RBFOX1: variants seen among roughly 807,000 people sequenced by gnomAD.
The protein encoded by RBFOX1 is RNA binding protein fox-1 homolog 1.
Under a neutral mutation model 57.7 loss-of-function variants are expected in RBFOX1, and 8 were observed. The observed-to-expected ratio is 0.14, with a 90% confidence interval of 0.08 to 0.25. RBFOX1 has a LOEUF of 0.25. RBFOX1 is among the 10% of genes least tolerant of loss of function. The probability of loss-of-function intolerance (pLI) is 1.00; values close to 1 mark genes in which losing one functional copy is unlikely to be tolerated. For missense variants in RBFOX1, 611 were observed against 548.5 expected (o/e 1.11, Z -1.14); for synonymous variants, 326 against 222.4 (o/e 1.47, Z -4.15).
At chr16:7,420,116 C>G (rs1598006874) in intron 4 of RBFOX1, among the ~76,000 whole-genome samples, 1 of 152,074 alleles carries the variant, frequency 6.6e-6, no homozygotes, top group South Asian at 2.1e-4. Context: ...TTTGACAACT[C>G]TTTGTTAGAT....
At chr16:6,891,266 C>T (rs959720160) in intron 3 of RBFOX1, among the ~76,000 whole-genome samples, 1 of 152,120 alleles carries the variant, frequency 6.6e-6, no homozygotes. Flanking sequence ...TTTATAAGAA[C>T]AACTGCTTGA....
chr16:5,603,751 GTGATCATGTGGCCACAAGA>G (rs1567285713), downstream of RBFOX1, among the ~76,000 whole-genome samples: 2 of 152,194 alleles, frequency 1.3e-5, no homozygotes, highest in East Asian at 3.9e-4. Flanking sequence ...GCAGTCATCT[GTGATCATGTGGCCACAAGA>G]TGGAGAGGCA....
chr16:5,371,370 C>G lies in RBFOX1; in HGVS notation c.220-95846C>G, dbSNP rs185615926. On this transcript the variant is annotated intron_variant, in intron 1 of 2. Coordinates refer to the RBFOX1 transcript ENST00000585867. ...GGTACACAGAGTGATGCCAGGGATG[C>G]CGGAGAAGACCCTGGGAGGATACAG... Among the ~76,000 whole-genome samples the G allele has an allele frequency of 3.5e-3, 534 of 152,284 alleles. 1 individual carries two copies. Among genetic ancestry groups the G allele is most frequent in the African/African-American group, 0.012 (508 of 41,554 alleles).
At chr16:6,516,036 C>T (rs949189358) in intron 2 of RBFOX1, among the ~76,000 whole-genome samples, 3 of 152,058 alleles carry the variant, frequency 2.0e-5, no homozygotes, top group Non-Finnish European at 2.9e-5. Context: ...CAGAGTCTTG[C>T]TCTGTATCCC....
chr16:5,710,798 G>A (rs1330702605), intron 3 of RBFOX1, among the ~76,000 whole-genome samples: 2 of 152,160 alleles, frequency 1.3e-5, no homozygotes. Context: ...GGGCTTGTTG[G>A]CAGTGGTTGC....
chr16:7,463,723 T>TG (rs1311418931), intron 4 of RBFOX1, among the ~76,000 whole-genome samples: 3 of 152,266 alleles, frequency 2.0e-5, no homozygotes, highest in Non-Finnish European at 2.9e-5. Context: ...TGGGAATATT[T>TG]GGGGGGCCGT....
intron 3 of RBFOX1, among the ~76,000 whole-genome samples, chr16:6,679,615 G>A (rs1159561379): frequency 2.0e-5 from 3 of 152,048 alleles, no homozygotes; most frequent in Non-Finnish European, 4.4e-5. Flanking sequence ...GATTGGAAAG[G>A]GTCTAACATT....
intron 2 of RBFOX1, among the ~76,000 whole-genome samples, chr16:5,579,431 T>C (rs1055604998): frequency 4.6e-5 from 7 of 152,118 alleles, no homozygotes; most frequent in Non-Finnish European, 1.0e-4. Context: ...CCTCTTACTG[T>C]GCTCCCCGCA....
chr16:6,545,958 G>C (rs12596904), intron 2 of RBFOX1, among the ~76,000 whole-genome samples: 43,728 of 152,086 alleles, frequency 0.29, 7,300 homozygotes, highest in Middle Eastern at 0.42. Context: ...TCTAAAACAG[G>C]GATTTGCAAT....
intron 4 of RBFOX1, among the ~76,000 whole-genome samples, chr16:7,385,197 G>C (rs2097855514): frequency 6.6e-6 from 1 of 152,224 alleles, no homozygotes; most frequent in South Asian, 2.1e-4. Flanking sequence ...AATTACGGAT[G>C]CAGAGATTTG....
intron 4 of RBFOX1, among the ~76,000 whole-genome samples, chr16:7,172,979 A>T (rs530957106): frequency 8.5e-5 from 13 of 152,310 alleles, no homozygotes; most frequent in African/African-American, 3.1e-4. Flanking sequence ...TTTCGTGTAA[A>T]AGAATTGCAA....
intron 4 of RBFOX1, among the ~76,000 whole-genome samples, chr16:7,124,378 C>A (rs1160439710): frequency 6.6e-6 from 1 of 152,146 alleles, no homozygotes; most frequent in African/African-American, 2.4e-5. Context: ...CACAGCACTG[C>A]ACGCTAGCCC....
intron 9 of RBFOX1, among the ~76,000 whole-genome samples, chr16:7,599,221 C>T (rs896008386): frequency 2.0e-5 from 3 of 152,160 alleles, no homozygotes; most frequent in Non-Finnish European, 4.4e-5. Context: ...TGAAACTTGC[C>T]AGATTTCATA....
At chr16:6,753,694 CCCT>C (rs1229143313) in intron 3 of RBFOX1, among the ~76,000 whole-genome samples, 1 of 151,278 alleles carries the variant, frequency 6.6e-6, no homozygotes, top group African/African-American at 2.4e-5. Context: ...AAGCCTCGTG[CCCT>C]CCTCCTGTCT....
At chr16:7,270,065 A>T (rs759700327) in intron 4 of RBFOX1, among the ~76,000 whole-genome samples, 2 of 152,200 alleles carry the variant, frequency 1.3e-5, no homozygotes, top group Admixed American at 6.5e-5. Flanking sequence ...ATACTGTGGA[A>T]AGTAGATACT....
intron 1 of RBFOX1, among the ~76,000 whole-genome samples, chr16:6,086,487 C>T (rs1338938199): frequency 4.3e-5 from 5 of 115,734 alleles, no homozygotes; most frequent in Non-Finnish European, 1.1e-4. Context: ...ACAGCATCCC[C>T]GTTCATTGAG....
chr16:6,319,487 A>C (rs922466687), intron 2 of RBFOX1, among the ~76,000 whole-genome samples: 11 of 152,174 alleles, frequency 7.2e-5, no homozygotes, highest in East Asian at 1.9e-4. Flanking sequence ...AGGTAGATGA[A>C]TGCTTCTTAA....
At chr16:7,358,779 T>C (rs2097265237) in intron 4 of RBFOX1, among the ~76,000 whole-genome samples, 1 of 152,184 alleles carries the variant, frequency 6.6e-6, no homozygotes, top group African/African-American at 2.4e-5. Context: ...CAGCAATGTT[T>C]GTATGACAAA....
intron 3 of RBFOX1, among the ~76,000 whole-genome samples, chr16:6,920,110 T>A (rs2074133817): frequency 6.6e-6 from 1 of 152,182 alleles, no homozygotes; most frequent in Non-Finnish European, 1.5e-5. Flanking sequence ...CATAGGCCAT[T>A]ATTTTGTTCC....
Sources: gnomAD v4.1 joint callset for allele counts (sites outside exome capture counted in the v4.1 genomes callset) on GRCh38, gnomAD v4.1.1 for gene constraint, MANE v1.5 for transcripts, NCBI Gene and HGNC (gene_info 2026-07-23, HGNC 2026-07-21) for gene names.